Variants in NEK6 observed in about 807,000 individuals in gnomAD.
NEK6 encodes the protein serine/threonine-protein kinase Nek6.
Under a neutral mutation model 43.5 loss-of-function variants are expected in NEK6, and 27 were observed. The observed-to-expected ratio is 0.62, with a 90% CI of 0.46 to 0.86. NEK6 has a LOEUF of 0.86. Ranked by LOEUF, NEK6 falls within the 40% of genes least tolerant of loss-of-function variation. NEK6 has a pLI of 0.00. For missense variants in NEK6, 318 were observed against 414.4 expected (o/e 0.77, Z 2.02); for synonymous variants, 167 against 164.1 (o/e 1.02, Z -0.14).
At chr9:124,261,518 C>T in intron 1 of NEK6, 1 of 985,418 alleles carries the variant, frequency 1.0e-6, no homozygotes, top group Non-Finnish European at 1.2e-6. Context: ...GTGTTCTGGC[C>T]CCCTGATGTC....
At chr9:124,330,126 A>AT (rs1675394150) in intron 7 of NEK6, among the ~76,000 whole-genome samples, 1 of 152,158 alleles carries the variant, frequency 6.6e-6, no homozygotes, top group Non-Finnish European at 1.5e-5. Context: ...ATGAAAGGGC[A>AT]TTAGTCAGTG....
chr9:124,342,075 T>C lies in NEK6; in HGVS notation c.717+2410T>C, dbSNP rs553935155. Among the ~76,000 whole-genome samples, 6 of 152,304 alleles carry C rather than the reference T, an allele frequency of 3.9e-5. No individual in the cohort carries two copies. The South Asian group carries it at 6.2e-4, about 16-fold the overall frequency. On this transcript the variant is annotated intron_variant, in intron 8 of 9. Transcript: ENST00000320246. ...TCTAAATCCAGGCAGGTGGCCACTC[T>C]GGCCACCAAGGTCGCTGAGGCTAGC...
In NEK6 at chr9:124,343,739, C is replaced by T. The variant is rs545665928; in HGVS notation, c.718-3970C>T. ...GACAAAGCCCCCTGCCCTCTCTGGA[C>T]AACAGCTGAGGATCCTGCACAGGGC... On this transcript the variant is annotated intron_variant, in intron 8 of 9. Transcript: ENST00000320246. The surrounding 1 kb of genome is among the most constrained non-coding windows in gnomAD (Gnocchi z 5.1). 6.6e-6 allele frequency among the ~76,000 whole-genome samples: 1 copy of T among 152,294 alleles called. No individual in the cohort carries two copies. The highest frequency in any genetic ancestry group is 1.9e-4 in the East Asian group (1 of 5,158).
intron 1 of NEK6, chr9:124,299,874 A>C (rs1004869129): frequency 3.3e-5 from 5 of 152,318 alleles, no homozygotes; most frequent in African/African-American, 1.2e-4. Context: ...AGGAGACTGC[A>C]TGAGCCAGGC....
At chr9:124,332,989 C>T (rs781702777) in intron 7 of NEK6, among the ~76,000 whole-genome samples, 14 of 152,246 alleles carry the variant, frequency 9.2e-5, no homozygotes, top group East Asian at 1.9e-4. Flanking sequence ...GTCTCGGCAT[C>T]GCCGGGAGAT....
Position 124,321,576 on chromosome 9 carries a change from G to T in NEK6, c.405+7G>T. On this transcript the variant is annotated splice_region_variant and intron_variant, in intron 5 of 9. Coordinates refer to ENST00000320246, the MANE Select transcript of NEK6 (RefSeq NM_014397.6). ...CCTCTCGCAGATGATCAAGGTGAGC[G>T]CCTGGCGGGGTGGGGGTGCTGGGGG... 6.3e-7 allele frequency: 1 copy of T among 1,577,520 alleles called. No homozygotes were observed.
intron 1 of NEK6, among the ~76,000 whole-genome samples, chr9:124,276,692 A>G (rs1430701386): frequency 1.3e-5 from 2 of 152,174 alleles, no homozygotes; most frequent in African/African-American, 2.4e-5. Flanking sequence ...AATATTAGCT[A>G]TTAGCTTTTT....
At position 124,353,200 on chromosome 9, in the gene NEK6, C is replaced by T. The variant is rs1830343239; in HGVS notation, c.*2253C>T. The stretch of plus-strand genomic sequence containing the variant: ...GTGTGCTGCACTTATCACCCCATTT[C>T]AAAACCAAACCAAACCTGAGGCCAC... On this transcript the variant is annotated 3_prime_UTR_variant, in exon 10 of 10. Transcript: ENST00000320246. The T allele has an allele frequency of 4.9e-6, 1 of 206,070 alleles. No individual in the cohort carries two copies. The highest frequency in any genetic ancestry group is 2.3e-5 in the African/African-American group (1 of 42,560). 12.8% of individuals were successfully genotyped at this position (206,070 alleles called of 1,614,324 possible). A position where few individuals can be genotyped will look rare whatever the true frequency, so the allele number is the denominator to read the frequency against.
At chr9:124,340,136 A>AGACCACCACCTCTCCCCAAC (rs1186533861) in intron 8 of NEK6, among the ~76,000 whole-genome samples, 31 of 151,952 alleles carry the variant, frequency 2.0e-4, no homozygotes, top group Admixed American at 2.0e-3. Context: ...GTCTCCCTAA[A>AGACCACCACCTCTCCCCAAC]GACCACCACC....
At chr9:124,264,814 CAA>C (rs372219790) in intron 1 of NEK6, among the ~76,000 whole-genome samples, 2 of 88,696 alleles carry the variant, frequency 2.3e-5, no homozygotes, top group Admixed American at 1.3e-4. Flanking sequence ...GACTCTGTAT[CAA>C]AAAAAAAAAA....
chr9:124,283,078 C>T (rs1831994711), intron 1 of NEK6, among the ~76,000 whole-genome samples: 1 of 152,254 alleles, frequency 6.6e-6, no homozygotes, highest in South Asian at 2.1e-4. Context: ...TCCGCCCTGA[C>T]AACTCCCTGC....
At chr9:124,262,251 C>A (rs1394586550) in intron 1 of NEK6, among the ~76,000 whole-genome samples, 1 of 152,246 alleles carries the variant, frequency 6.6e-6, no homozygotes, top group Non-Finnish European at 1.5e-5. Context: ...CCAGCACTTT[C>A]ACTCATTCCT....
intron 2 of NEK6, among the ~76,000 whole-genome samples, chr9:124,303,694 T>G (rs185019885): frequency 6.6e-6 from 1 of 152,154 alleles, no homozygotes; most frequent in African/African-American, 2.4e-5. Flanking sequence ...TAGGTAGAAT[T>G]TGGGGAGGCA....
chr9:124,347,843 G>C, intron 9 of NEK6, 21 bp downstream of exon 9: 6 of 1,524,136 alleles, frequency 3.9e-6, no homozygotes, highest in Non-Finnish European at 5.4e-6. Context: ...AGGAGCCGGA[G>C]GCCTCGCCAG....
intron 7 of NEK6, among the ~76,000 whole-genome samples, chr9:124,335,400 A>G (rs1829237008): frequency 6.6e-6 from 1 of 152,148 alleles, no homozygotes; most frequent in Non-Finnish European, 1.5e-5. Context: ...TTCGCTCATC[A>G]AGTATGCATA....
intron 2 of NEK6, among the ~76,000 whole-genome samples, chr9:124,302,616 C>T (rs1360294456): frequency 6.6e-6 from 1 of 152,214 alleles, no homozygotes; most frequent in Non-Finnish European, 1.5e-5. Context: ...CTGAAGGTGA[C>T]TTGTAGGTTT....
At chr9:124,269,620 A>G (rs1337686589) in intron 1 of NEK6, among the ~76,000 whole-genome samples, 1 of 151,938 alleles carries the variant, frequency 6.6e-6, no homozygotes, top group Admixed American at 6.6e-5. Flanking sequence ...GCCTCGGTGG[A>G]CTTTCTAAAT....
chr9:124,295,204 G>A (rs1347064695), intron 1 of NEK6, among the ~76,000 whole-genome samples: 7 of 152,248 alleles, frequency 4.6e-5, no homozygotes, highest in African/African-American at 4.8e-5. Context: ...CCAGGCTTCC[G>A]CTGTCATGGA....
Position 124,296,464 on chromosome 9 carries a change from T to C in NEK6, c.-29-5472T>C, listed in dbSNP as rs369500272. 5.9e-5 allele frequency among the ~76,000 whole-genome samples: 9 copies of C among 152,254 alleles called. No individual in the cohort carries two copies. In the South Asian group the frequency reaches 1.9e-3, roughly 32 times the overall value. Reference sequence around the variant, plus strand: ...TGTCAGTCTGGGAGCCACAACTGCCTTTGCCACGTCTACCCTCTGCTTCAG... The same window carrying C: ...TGTCAGTCTGGGAGCCACAACTGCCCTTGCCACGTCTACCCTCTGCTTCAG... On this transcript the variant is annotated intron_variant, in intron 1 of 9. Coordinates refer to ENST00000320246, the MANE Select transcript of NEK6 (RefSeq NM_014397.6).
Sources: allele counts gnomAD v4.1 joint callset (sites outside exome capture counted in the v4.1 genomes callset), GRCh38; gene constraint gnomAD v4.1.1; non-coding constraint Gnocchi (gnomAD v3.1); transcripts MANE v1.5; gene names NCBI Gene and HGNC (gene_info 2026-07-23, HGNC 2026-07-21).